Variants in HM13 observed in about 807,000 individuals in gnomAD.
HM13 encodes signal peptide peptidase.
HM13 carries 18 observed loss-of-function variants against 50.0 expected under a neutral mutation model. The ratio of observed to expected loss-of-function variants is 0.36; its 90% CI spans 0.25 to 0.53. The LOEUF (loss-of-function observed/expected upper bound fraction) is 0.53, where lower values mean the gene tolerates loss of function less well. Ranked by LOEUF, HM13 falls within the 20% of genes least tolerant of loss-of-function variation. The pLI, the probability that HM13 is intolerant of heterozygous loss-of-function variation, is 0.90. For synonymous variants in HM13, 197 were observed against 232.6 expected (o/e 0.85, Z 1.39); for missense variants, 393 against 552.4 (o/e 0.71, Z 2.89).
At chr20:31,516,599 A>C (rs192705414) in intron 1 of HM13, among the ~76,000 whole-genome samples, 2 of 152,316 alleles carry the variant, frequency 1.3e-5, no homozygotes, top group Non-Finnish European at 2.9e-5. Flanking sequence ...AAGGCATTCT[A>C]AGCAAAAGAA....
chr20:31,550,102 C>T lies in HM13; in HGVS notation c.705C>T (p.Ser235=). 6.2e-7 allele frequency: 1 copy of T among 1,613,964 alleles called. No individual in the cohort carries two copies. The highest frequency in any genetic ancestry group is 8.5e-7 in the Non-Finnish European group (1 of 1,179,888). The change falls in exon 7 of 13, where the codon TCC becomes TCT. Residue 235 remains serine (S), a synonymous_variant. Coordinates refer to ENST00000398174, the MANE Select transcript of HM13 (RefSeq NM_178581.3). ...GTNVMVTVAK[S]FEAPIKLVFP... ...ATGTGATGGTGACAGTGGCCAAGTC[C>T]TTCGAGGCACCAATAAAATGTAAGT...
chr20:31,523,382 C>T (rs1982298976), intron 1 of HM13, among the ~76,000 whole-genome samples: 1 of 151,984 alleles, frequency 6.6e-6, no homozygotes. Flanking sequence ...CCTCCCTCAG[C>T]CTCCCAAGTA....
chr20:31,546,206 C>T (rs567219025), intron 4 of HM13, among the ~76,000 whole-genome samples: 3 of 152,048 alleles, frequency 2.0e-5, no homozygotes, highest in South Asian at 4.2e-4. Flanking sequence ...CCCGCCACTA[C>T]GCCCGGCTAA....
intron 11 of HM13, chr20:31,567,831 G>C: frequency 2.2e-6 from 1 of 460,934 alleles, no homozygotes; most frequent in Non-Finnish European, 3.8e-6. Context: ...TGTTTCCACA[G>C]CAGCACATAC....
At chr20:31,519,879 G>A (rs1982046674) in intron 1 of HM13, among the ~76,000 whole-genome samples, 1 of 132,472 alleles carries the variant, frequency 7.5e-6, no homozygotes, top group East Asian at 2.1e-4. Context: ...GTCTCGCTCT[G>A]TTGCCCAGGC....
intron 2 of HM13, among the ~76,000 whole-genome samples, chr20:31,537,977 T>C (rs1416333713): frequency 3.1e-4 from 47 of 152,142 alleles, no homozygotes; most frequent in Admixed American, 2.7e-3. Flanking sequence ...CTTTGCGAGG[T>C]ACAGCTGGGG....
intron 12 of HM13, 125 bp downstream of exon 12, chr20:31,568,349 C>A: frequency 7.6e-7 from 1 of 1,323,642 alleles, no homozygotes; most frequent in Non-Finnish European, 1.0e-6. Context: ...GCAAGAGCAG[C>A]TCCTCCACAA....
chr20:31,567,430 C>T (rs1984988458), intron 11 of HM13, among the ~76,000 whole-genome samples: 1 of 152,062 alleles, frequency 6.6e-6, no homozygotes, highest in Non-Finnish European at 1.5e-5. Context: ...AATGCTCTGC[C>T]ATACAGGTAC....
At chr20:31,540,989 A>C (rs1268844237) in intron 3 of HM13, 1 of 152,066 alleles carries the variant, frequency 6.6e-6, no homozygotes, top group Non-Finnish European at 1.5e-5. Flanking sequence ...CAAAAAAAAA[A>C]AAAAGAAATA....
chr20:31,531,281 C>T (rs1235094869), intron 2 of HM13, among the ~76,000 whole-genome samples: 1 of 152,146 alleles, frequency 6.6e-6, no homozygotes, highest in Non-Finnish European at 1.5e-5. Flanking sequence ...TTAGGTAATC[C>T]ACCTGCCTTG....
chr20:31,566,032 A>T (rs571601961), intron 10 of HM13, 178 bp from the exon 11 acceptor site: 1 of 490,172 alleles, frequency 2.0e-6, no homozygotes, highest in East Asian at 3.3e-5. Context: ...CCCTCTCGGG[A>T]GGAGCAACCC....
chr20:31,558,084 G>A (rs745517748), intron 8 of HM13, among the ~76,000 whole-genome samples: 2 of 152,244 alleles, frequency 1.3e-5, no homozygotes, highest in Admixed American at 6.5e-5. Context: ...GCGACACACA[G>A]GGTGTGCGTA....
intron 1 of HM13, among the ~76,000 whole-genome samples, chr20:31,518,772 A>G (rs1981962763): frequency 6.6e-6 from 1 of 152,080 alleles, no homozygotes; most frequent in African/African-American, 2.4e-5. Flanking sequence ...GCGAGAGGAT[A>G]ACTTGAGCCC....
At chr20:31,516,966 C>T (rs1442884927) in intron 1 of HM13, among the ~76,000 whole-genome samples, 1 of 152,238 alleles carries the variant, frequency 6.6e-6, no homozygotes, top group Non-Finnish European at 1.5e-5. Context: ...GAAGATCACT[C>T]TGCCATTTAG....
At chr20:31,527,244 A>C (rs929698614) in intron 1 of HM13, among the ~76,000 whole-genome samples, 1 of 152,160 alleles carries the variant, frequency 6.6e-6, no homozygotes, top group Non-Finnish European at 1.5e-5. Context: ...AGGCTGAGGC[A>C]GGAGAATCGC....
At chr20:31,546,929 TA>T (rs989107365) in intron 4 of HM13, among the ~76,000 whole-genome samples, 146 of 151,952 alleles carry the variant, frequency 9.6e-4, no homozygotes, top group African/African-American at 3.5e-3. Flanking sequence ...TCTAAAAAAA[TA>T]AATAAATAAA....
chr20:31,566,442 T>C, intron 11 of HM13, 147 bp downstream of exon 11: 1 of 685,838 alleles, frequency 1.5e-6, no homozygotes, highest in Non-Finnish European at 2.6e-6. Flanking sequence ...CAGCAGTACA[T>C]GGGTACCTGG....
chr20:31,551,838 C>T (rs1009740569), intron 7 of HM13, among the ~76,000 whole-genome samples: 3 of 152,172 alleles, frequency 2.0e-5, no homozygotes, highest in African/African-American at 4.8e-5. Flanking sequence ...TTGAGGAGAG[C>T]TTCATGGCCA....
chr20:31,551,731 G>A (rs963195204), intron 7 of HM13, among the ~76,000 whole-genome samples: 4 of 152,196 alleles, frequency 2.6e-5, no homozygotes, highest in Non-Finnish European at 5.9e-5. Flanking sequence ...ACAGGCAGTC[G>A]TTGGGGGAGA....
Sources: allele counts gnomAD v4.1 joint callset (sites outside exome capture counted in the v4.1 genomes callset), GRCh38; gene constraint gnomAD v4.1.1; transcripts MANE v1.5; gene names NCBI Gene and HGNC (gene_info 2026-07-23, HGNC 2026-07-21).